The following FOXN3 variants were observed in gnomAD, a reference collection of about 807,000 sequenced individuals.
The protein encoded by FOXN3 is forkhead box protein N3.
In FOXN3, 7 loss-of-function variants were observed where a neutral mutation model predicts 38.4. The observed-to-expected ratio is 0.18, with a 90% CI of 0.10 to 0.34. FOXN3 has a LOEUF of 0.34. Ranked by LOEUF, FOXN3 falls within the 10% of genes least tolerant of loss-of-function variation. The probability of loss-of-function intolerance (pLI) is 1.00; values close to 1 mark genes in which losing one functional copy is unlikely to be tolerated. For missense variants in FOXN3, 456 were observed against 613.4 expected (o/e 0.74, Z 2.71); for synonymous variants, 230 against 242.2 (o/e 0.95, Z 0.47).
At chr14:89,557,452 C>T (rs1422164415) in intron 1 of FOXN3, among the ~76,000 whole-genome samples, 2 of 152,134 alleles carry the variant, frequency 1.3e-5, no homozygotes, top group East Asian at 3.9e-4. Flanking sequence ...GGGGATCATT[C>T]CAAGGGAATC....
chr14:89,267,379 A>G (rs1886016100), intron 4 of FOXN3, among the ~76,000 whole-genome samples: 1 of 152,142 alleles, frequency 6.6e-6, no homozygotes, highest in African/African-American at 2.4e-5. Context: ...TGACGCTGGA[A>G]AGACAGGGAA....
At chr14:89,463,987 T>C (rs1360095770) in intron 1 of FOXN3, among the ~76,000 whole-genome samples, 2 of 152,212 alleles carry the variant, frequency 1.3e-5, no homozygotes, top group East Asian at 1.9e-4. Flanking sequence ...TTTCACCATG[T>C]TGGCCAGGCT....
chr14:89,315,990 T>TTATAAA (rs375315612), intron 3 of FOXN3, among the ~76,000 whole-genome samples: 26 of 152,268 alleles, frequency 1.7e-4, no homozygotes, highest in African/African-American at 6.0e-4. Context: ...AAACTCCTTG[T>TTATAAA]TATAAACTAC....
At chr14:89,306,774 G>A (rs1266624861) in intron 3 of FOXN3, among the ~76,000 whole-genome samples, 4 of 152,184 alleles carry the variant, frequency 2.6e-5, no homozygotes, top group African/African-American at 9.7e-5. Context: ...GAACCAAACT[G>A]TACTAGCTGG....
chr14:89,251,261 C>T (rs1246164840), intron 4 of FOXN3, among the ~76,000 whole-genome samples: 3 of 152,182 alleles, frequency 2.0e-5, no homozygotes, highest in African/African-American at 7.2e-5. Context: ...ACAGCACACC[C>T]ATGCAAGTAC....
At chr14:89,463,349 G>T (rs545754464) in intron 1 of FOXN3, among the ~76,000 whole-genome samples, 1 of 151,906 alleles carries the variant, frequency 6.6e-6, no homozygotes, top group Non-Finnish European at 1.5e-5. Flanking sequence ...CAGACCCCTC[G>T]TGGTCCAATC....
At chr14:89,512,617 C>T (rs1596303827) in intron 1 of FOXN3, among the ~76,000 whole-genome samples, 1 of 152,226 alleles carries the variant, frequency 6.6e-6, no homozygotes, top group Admixed American at 6.5e-5. Flanking sequence ...ACGGGGAGGC[C>T]ATCTTTCTCA....
intron 5 of FOXN3, among the ~76,000 whole-genome samples, chr14:89,179,275 G>C (rs1596083195): frequency 6.6e-6 from 1 of 152,252 alleles, no homozygotes; most frequent in Non-Finnish European, 1.5e-5. Context: ...AGAACCTATA[G>C]ACCTTTGCTC....
At chr14:89,515,516 A>T (rs1894182466) in intron 1 of FOXN3, among the ~76,000 whole-genome samples, 1 of 152,020 alleles carries the variant, frequency 6.6e-6, no homozygotes, top group Non-Finnish European at 1.5e-5. Context: ...ACCCGAGGTC[A>T]GGAGTTCAAG....
At chr14:89,588,861 C>T (rs1403515473) in intron 1 of FOXN3, among the ~76,000 whole-genome samples, 1 of 152,212 alleles carries the variant, frequency 6.6e-6, no homozygotes, top group African/African-American at 2.4e-5. Context: ...GATTTTGGGA[C>T]ACTTTAATAC....
In FOXN3 at chr14:89,595,487, A is replaced by G. The variant is rs191928898; in HGVS notation, c.-15+23541T>C. On this transcript the variant is annotated intron_variant, in intron 1 of 6. Transcript: ENST00000345097. ...ATTATTTTTATTCTAATGTAAATTCATGTTCTGATTATTAGTGATAAAGAG... is the reference window on the plus strand; with the variant it reads ...ATTATTTTTATTCTAATGTAAATTCGTGTTCTGATTATTAGTGATAAAGAG... Among the ~76,000 whole-genome samples the G allele has an allele frequency of 2.4e-3, 368 of 152,244 alleles. 3 individuals carry two copies. Among genetic ancestry groups the G allele is most frequent in the African/African-American group, 8.5e-3 (352 of 41,550 alleles).
In FOXN3 at chr14:89,609,066, G is replaced by GAGTT. The variant is rs1896337888; in HGVS notation, c.-15+9961_-15+9962insAACT. On this transcript the variant is annotated intron_variant, in intron 1 of 6. Coordinates refer to the FOXN3 transcript ENST00000345097. ...AGGCTGGGAAGCTAGAAGGACCACAGCGAGTTCAGGGGTGAAGAGACACTG... is the reference window on the plus strand; with the variant it reads ...AGGCTGGGAAGCTAGAAGGACCACAGAGTTCGAGTTCAGGGGTGAAGAGACACTG... 9.2e-5 allele frequency among the ~76,000 whole-genome samples: 14 copies of GAGTT among 152,300 alleles called. No homozygotes were observed. In the South Asian group the frequency reaches 2.9e-3, roughly 32 times the overall value.
intron 2 of FOXN3, among the ~76,000 whole-genome samples, chr14:89,382,032 T>C (rs970531176): frequency 6.6e-6 from 1 of 152,086 alleles, no homozygotes; most frequent in Non-Finnish European, 1.5e-5. Context: ...GAGTCCATCA[T>C]GGCCAGACCA....
chr14:89,183,077 C>A (rs1047288768), intron 4 of FOXN3, among the ~76,000 whole-genome samples: 7 of 152,174 alleles, frequency 4.6e-5, no homozygotes, highest in Non-Finnish European at 1.0e-4. Flanking sequence ...CAGCAGAACT[C>A]TTGTAGATAG....
At chr14:89,253,572 G>A (rs909434736) in intron 4 of FOXN3, among the ~76,000 whole-genome samples, 1 of 152,138 alleles carries the variant, frequency 6.6e-6, no homozygotes, top group Non-Finnish European at 1.5e-5. Context: ...GAAAAGTTTG[G>A]CTGGTGGGGG....
chr14:89,479,317 G>A (rs1179586262), intron 1 of FOXN3, among the ~76,000 whole-genome samples: 1 of 151,910 alleles, frequency 6.6e-6, no homozygotes, highest in Non-Finnish European at 1.5e-5. Flanking sequence ...CTCTCTCTCG[G>A]GAGCCCTAAC....
intron 3 of FOXN3, among the ~76,000 whole-genome samples, chr14:89,343,627 G>GTTTTTTTTTTTTTTTTTTTTT (rs34453491): frequency 1.4e-5 from 2 of 140,636 alleles, no homozygotes; most frequent in Non-Finnish European, 3.0e-5. Context: ...AATGTGTGTG[G>GTTTTTTTTTTTTTTTTTTTTT]TTTTTTTTTT....
chr14:89,383,474 C>T (rs1890713287), intron 2 of FOXN3, among the ~76,000 whole-genome samples: 1 of 152,208 alleles, frequency 6.6e-6, no homozygotes, highest in African/African-American at 2.4e-5. Flanking sequence ...CAAATTAACA[C>T]AAACTTGGTG....
intron 4 of FOXN3, among the ~76,000 whole-genome samples, chr14:89,183,582 T>C (rs1887728204): frequency 6.6e-6 from 1 of 152,050 alleles, no homozygotes; most frequent in African/African-American, 2.4e-5. Context: ...TAAGGGGTAT[T>C]TGGGAAGGCT....
Sources: allele counts gnomAD v4.1 joint callset (sites outside exome capture counted in the v4.1 genomes callset), GRCh38; gene constraint gnomAD v4.1.1; transcripts MANE v1.5; gene names NCBI Gene and HGNC (gene_info 2026-07-23, HGNC 2026-07-21).